The following JAKMIP1 variants were observed in gnomAD, a reference collection of about 807,000 sequenced individuals.
JAKMIP1 encodes the protein janus kinase and microtubule interacting protein 1, also known as janus kinase and microtubule-interacting protein 1.
In JAKMIP1, 33 loss-of-function variants were observed where a neutral mutation model predicts 113.0. That is an observed-to-expected ratio of 0.29 (90% CI 0.22 to 0.39). The LOEUF (loss-of-function observed/expected upper bound fraction) is 0.39. JAKMIP1 is among the 10% of genes least tolerant of loss of function. The pLI, the probability that JAKMIP1 is intolerant of heterozygous loss-of-function variation, is 1.00. For synonymous variants in JAKMIP1, 480 were observed against 459.9 expected, an observed-to-expected ratio of 1.04 and a Z score of -0.56; for missense variants, 813 against 1,080.5, an observed-to-expected ratio of 0.75 and a Z score of 3.47.
intron 1 of JAKMIP1, among the ~76,000 whole-genome samples, chr4:6,169,060 T>C (rs1388872716): frequency 6.6e-6 from 1 of 152,230 alleles, no homozygotes; most frequent in Non-Finnish European, 1.5e-5. Context: ...GTGATGATGG[T>C]TGCATAACAC....
At chr4:6,029,687 T>G (rs1268861437) in intron 20 of JAKMIP1, 29 bp downstream of exon 20, 3 of 1,500,588 alleles carry the variant, frequency 2.0e-6, no homozygotes, top group Non-Finnish European at 2.8e-6. Flanking sequence ...GAAAGAAACC[T>G]GGGGACAGTC....
chr4:6,189,952 G>A (rs1373074874), intron 1 of JAKMIP1, among the ~76,000 whole-genome samples: 1 of 152,186 alleles, frequency 6.6e-6, no homozygotes, highest in Non-Finnish European at 1.5e-5. Context: ...GAGGCAGCGT[G>A]GGCCATGCCA....
At chr4:6,036,864 G>C (rs180826172) in intron 18 of JAKMIP1, among the ~76,000 whole-genome samples, 1 of 152,226 alleles carries the variant, frequency 6.6e-6, no homozygotes, top group Non-Finnish European at 1.5e-5. Flanking sequence ...AGGTGGTATA[G>C]AGAAACCATG....
intron 1 of JAKMIP1, among the ~76,000 whole-genome samples, chr4:6,173,285 T>C (rs1047109545): frequency 1.3e-5 from 2 of 152,054 alleles, no homozygotes. Context: ...CAAACTCTAA[T>C]AAAAATGTAG....
Position 6,143,503 on chromosome 4 carries a change from G to T in JAKMIP1, c.-147-30506C>A, listed in dbSNP as rs112617758. ...CCACAATGGGACAAGAGGCAGGCCT[G>T]CTGGATCCGGCCTGGGTCCCACCTG... On this transcript the variant is annotated intron_variant, in intron 1 of 20. Transcript: ENST00000409021. This position sits in a 1 kb window ranked among gnomAD's most constrained non-coding sequence, Gnocchi z 4.9. Among the ~76,000 whole-genome samples, 6 of 152,318 alleles carry T rather than the reference G, an allele frequency of 3.9e-5. No individual in the cohort carries two copies. Among genetic ancestry groups the T allele is most frequent in the African/African-American group, 1.2e-4 (5 of 41,584 alleles).
At chr4:6,046,133 G>A (rs577194558) in intron 16 of JAKMIP1, among the ~76,000 whole-genome samples, 49 of 152,178 alleles carry the variant, frequency 3.2e-4, no homozygotes, top group African/African-American at 1.1e-3. Context: ...CAATTCTCAC[G>A]TCCCAGGAAA....
At position 6,108,647 on chromosome 4, in the gene JAKMIP1, G is replaced by A. The variant is rs372506366; in HGVS notation, c.130-2680C>T. On this transcript the variant is annotated intron_variant, in intron 2 of 20. Transcript: ENST00000409021. The surrounding 1 kb of genome is among the most constrained non-coding windows in gnomAD (Gnocchi z 5.6). Reference sequence around the variant, plus strand: ...CAAGCCACCTGCAGCAGCCCTCCCCGCCACACCCTCCATGCTCAAAGCCCT... The same window carrying A: ...CAAGCCACCTGCAGCAGCCCTCCCCACCACACCCTCCATGCTCAAAGCCCT... 1.1e-4 allele frequency among the ~76,000 whole-genome samples: 17 copies of A among 152,036 alleles called. No homozygotes were observed. In the East Asian group the frequency reaches 1.4e-3, roughly 12 times the overall value.
chr4:6,049,935 A>G lies in JAKMIP1; in HGVS notation c.1909-63T>C. 2 of 1,188,864 alleles carry G rather than the reference A, an allele frequency of 1.7e-6. No individual in the cohort carries two copies. The highest frequency in any genetic ancestry group is 2.5e-6 in the Non-Finnish European group (2 of 800,236). 73.6% of individuals were successfully genotyped at this position (1,188,864 alleles called of 1,614,324 possible). On this transcript the variant is annotated intron_variant, in intron 14 of 20. Coordinates refer to ENST00000409021, the MANE Select transcript of JAKMIP1 (RefSeq NM_001099433.2). The surrounding 1 kb of genome is among the most constrained non-coding windows in gnomAD (Gnocchi z 7.0). ...ACAGAGACCAACCATACCAATTTCT[A>G]GGGCCACGGCCTTTCCTCTGGACAA...
chr4:6,147,340 C>G (rs896746717), intron 1 of JAKMIP1, among the ~76,000 whole-genome samples: 1 of 152,092 alleles, frequency 6.6e-6, no homozygotes, highest in Admixed American at 6.6e-5. Context: ...AGGCACACAT[C>G]AGTAAGTAAC....
chr4:6,159,446 T>A (rs1032263962), intron 1 of JAKMIP1, among the ~76,000 whole-genome samples: 1 of 151,898 alleles, frequency 6.6e-6, no homozygotes, highest in Admixed American at 6.6e-5. Flanking sequence ...ACATAACAAA[T>A]CCCAGGTTAA....
chr4:6,121,743 G>A (rs1716754430), intron 1 of JAKMIP1, among the ~76,000 whole-genome samples: 1 of 152,194 alleles, frequency 6.6e-6, no homozygotes, highest in East Asian at 1.9e-4. Context: ...TTTTTCCGGA[G>A]AAAGCTAACA....
intron 1 of JAKMIP1, among the ~76,000 whole-genome samples, chr4:6,134,732 A>C (rs1375007528): frequency 1.3e-5 from 2 of 152,158 alleles, no homozygotes; most frequent in African/African-American, 4.8e-5. Context: ...GTGCCTGTGA[A>C]ATGGACTCAA....
intron 1 of JAKMIP1, among the ~76,000 whole-genome samples, chr4:6,124,232 G>A (rs1316917101): frequency 6.6e-6 from 1 of 152,204 alleles, no homozygotes; most frequent in Non-Finnish European, 1.5e-5. Context: ...ATCCCAGAGA[G>A]GGCCACCTGT....
intron 1 of JAKMIP1, among the ~76,000 whole-genome samples, chr4:6,170,610 C>A (rs1225396420): frequency 3.6e-5 from 5 of 137,912 alleles, no homozygotes; most frequent in Non-Finnish European, 6.1e-5. Flanking sequence ...ACAGTGTCAT[C>A]ACCACCACCG....
At chr4:6,082,951 G>A (rs956318333) in intron 5 of JAKMIP1, among the ~76,000 whole-genome samples, 1 of 151,494 alleles carries the variant, frequency 6.6e-6, no homozygotes, top group Non-Finnish European at 1.5e-5. Context: ...TGATCAATGA[G>A]GTGAAAAAAG....
At chr4:6,127,213 C>A (rs1717817071) in intron 1 of JAKMIP1, among the ~76,000 whole-genome samples, 1 of 152,218 alleles carries the variant, frequency 6.6e-6, no homozygotes. Context: ...TCACTACGTG[C>A]TGCTCACCCT....
Position 6,168,904 on chromosome 4 carries a change from A to C in JAKMIP1, c.-148+31349T>G, listed in dbSNP as rs1723986111. Reference sequence around the variant, plus strand: ...TGACAGAGTGAGAGCCTGTCTCAAAAAATAAAAACAAAAAAAAAAATCATA... The same window carrying C: ...TGACAGAGTGAGAGCCTGTCTCAAACAATAAAAACAAAAAAAAAAATCATA... On this transcript the variant is annotated intron_variant, in intron 1 of 20. Coordinates refer to ENST00000409021, the MANE Select transcript of JAKMIP1 (RefSeq NM_001099433.2). The surrounding 1 kb of genome is among the most constrained non-coding windows in gnomAD (Gnocchi z 4.6). Among the ~76,000 whole-genome samples, 1 of 149,664 alleles carries C rather than the reference A, an allele frequency of 6.7e-6. No individual in the cohort carries two copies.
At chr4:6,033,588 T>C (rs1444495406) in intron 19 of JAKMIP1, among the ~76,000 whole-genome samples, 1 of 152,086 alleles carries the variant, frequency 6.6e-6, no homozygotes, top group Non-Finnish European at 1.5e-5. Flanking sequence ...GACAAGAAAA[T>C]TGAGGCTCAC....
chr4:6,053,765 A>C (rs1715974656), intron 13 of JAKMIP1: 3 of 1,233,816 alleles, frequency 2.4e-6, no homozygotes, highest in Non-Finnish European at 2.0e-6. Context: ...TATTGCAAAA[A>C]CAAATTATTT....
Sources: allele counts gnomAD v4.1 joint callset (sites outside exome capture counted in the v4.1 genomes callset), GRCh38; gene constraint gnomAD v4.1.1; non-coding constraint Gnocchi (gnomAD v3.1); transcripts MANE v1.5; gene names NCBI Gene and HGNC (gene_info 2026-07-23, HGNC 2026-07-21).